The following PVR variants were observed in gnomAD, a reference collection of about 807,000 sequenced individuals.
The protein encoded by PVR is PVR cell adhesion molecule.
Under a neutral mutation model 43.3 loss-of-function variants are expected in PVR, and 39 were observed. The observed-to-expected ratio is 0.90, with a 90% confidence interval of 0.70 to 1.18. The LOEUF (loss-of-function observed/expected upper bound fraction) is 1.18, where lower values mean the gene tolerates loss of function less well. Among genes scored for constraint, PVR ranks in the 50% most tolerant of loss-of-function variants. The pLI is 0.00. For synonymous variants in PVR, 224 were observed against 233.2 expected, an observed-to-expected ratio of 0.96 and a Z score of 0.36; for missense variants, 480 against 549.7, an observed-to-expected ratio of 0.87 and a Z score of 1.27.
In PVR at chr19:44,664,393, G is replaced by A. The variant is rs1198854195; in HGVS notation, c.*2582G>A. On this transcript the variant is annotated 3_prime_UTR_variant, in exon 8 of 8. Transcript: ENST00000425690. ...CTGGCTAAATCTCTTTTTAACTTTTGTAGAGATAGGCATCTCGCTATGTTG... is the reference window on the plus strand; with the variant it reads ...CTGGCTAAATCTCTTTTTAACTTTTATAGAGATAGGCATCTCGCTATGTTG... 2 of 151,994 alleles carry A rather than the reference G, an allele frequency of 1.3e-5. No individual in the cohort carries two copies. Among genetic ancestry groups the A allele is most frequent in the African/African-American group, 2.4e-5 (1 of 41,368 alleles). The allele number at this position is 151,994 out of a possible 1,614,324, so 9.4% of individuals were successfully genotyped here. A position where few individuals can be genotyped will look rare whatever the true frequency, so the allele number is the denominator to read the frequency against.
chr19:44,644,168 A>G lies in PVR; in HGVS notation c.72A>G (p.Pro24=), dbSNP rs1973007438. 6.0e-6 allele frequency: 9 copies of G among 1,504,080 alleles called. No homozygotes were observed. Among genetic ancestry groups the G allele is most frequent in the South Asian group, 1.2e-5 (1 of 80,622 alleles). The allele number at this position is 1,504,080 out of a possible 1,614,324, so 93.2% of individuals were successfully genotyped here. A position where few individuals can be genotyped will look rare whatever the true frequency, so the allele number is the denominator to read the frequency against. Residue 24 remains proline (P), a synonymous_variant, in exon 1 of 8, where the codon CCA becomes CCG. Transcript: ENST00000425690. ...TACTGGTGCTGTCCTGGCCACCCCC[A>G]GGAACCGGTGAGTGACCCCCGCGCA... The part of the protein sequence containing the change: ...VALLVLSWPP[P]GTGDVVVQAP...
intron 4 of PVR, among the ~76,000 whole-genome samples, chr19:44,657,448 G>C (rs908075704): frequency 6.6e-6 from 1 of 152,194 alleles, no homozygotes; most frequent in Non-Finnish European, 1.5e-5. Context: ...ACAGACGAGG[G>C]GGCGAGGGCA....
Position 44,647,225 on chromosome 19 carries a change from G to C in PVR, c.82G>C (p.Asp28His). The C allele has an allele frequency of 6.5e-7, 1 of 1,538,184 alleles. No homozygotes were observed. Among genetic ancestry groups the C allele is most frequent in the Non-Finnish European group, 8.8e-7 (1 of 1,138,362 alleles). The change falls in exon 2 of 8, where the codon GAC (aspartate) becomes CAC (histidine). Residue 28 changes from aspartate (D) to histidine (H), a missense_variant and splice_region_variant. Transcript: ENST00000425690. ...VLSWPPPGTG[D>H]VVVQAPTQVP... ...ACCTTCTCTTCGGTTCTCCGCAGGG[G>C]ACGTCGTCGTGCAGGCGCCCACCCA...
Position 44,661,966 on chromosome 19 carries a change from T to C in PVR, c.*155T>C. On this transcript the variant is annotated 3_prime_UTR_variant, in exon 8 of 8. Coordinates refer to ENST00000425690, the MANE Select transcript of PVR (RefSeq NM_006505.5). Reference sequence around the variant, plus strand: ...AACGACGGGGGCAGGTGCAAGTTCATAGGTCTCCAAGACCACCCTCCTTTC... The same window carrying C: ...AACGACGGGGGCAGGTGCAAGTTCACAGGTCTCCAAGACCACCCTCCTTTC... 4 of 656,162 alleles carry C rather than the reference T, an allele frequency of 6.1e-6. No individual in the cohort carries two copies. The highest frequency in any genetic ancestry group is 2.7e-5 in the East Asian group (1 of 36,570). The allele number at this position is 656,162 out of a possible 1,614,324, so 40.6% of individuals were successfully genotyped here. A position where few individuals can be genotyped will look rare whatever the true frequency, so the allele number is the denominator to read the frequency against.
At chr19:44,659,938 G>A (rs961773622) in intron 6 of PVR, among the ~76,000 whole-genome samples, 1 of 152,178 alleles carries the variant, frequency 6.6e-6, no homozygotes, top group Non-Finnish European at 1.5e-5. Context: ...CCAGATCTTT[G>A]ACTACCAAGC....
intron 6 of PVR, among the ~76,000 whole-genome samples, chr19:44,660,002 C>T (rs1973552513): frequency 6.6e-6 from 1 of 152,190 alleles, no homozygotes; most frequent in Admixed American, 6.5e-5. Context: ...GCGGATACTG[C>T]CTCGTCCAGG....
chr19:44,655,419 T>C (rs1973415059), intron 4 of PVR, among the ~76,000 whole-genome samples: 1 of 152,186 alleles, frequency 6.6e-6, no homozygotes, highest in Non-Finnish European at 1.5e-5. Context: ...CAAAAATAAC[T>C]TGTGTCCACT....
chr19:44,648,486 C>T (rs1056839519), intron 2 of PVR, among the ~76,000 whole-genome samples: 10 of 151,670 alleles, frequency 6.6e-5, no homozygotes, highest in African/African-American at 2.4e-4. Context: ...AAAAACTGAC[C>T]CTTTTTTTTT....
At chr19:44,649,688 T>C in intron 2 of PVR, 121 bp from the exon 3 acceptor site, 2 of 1,079,836 alleles carry the variant, frequency 1.9e-6, no homozygotes, top group Non-Finnish European at 2.7e-6. Context: ...CCCAAAGTTC[T>C]GGGATTATAG....
In PVR at chr19:44,663,161, G is replaced by C. The variant is rs1415863561; in HGVS notation, c.*1350G>C. On this transcript the variant is annotated 3_prime_UTR_variant, in exon 8 of 8. Coordinates refer to ENST00000425690, the MANE Select transcript of PVR (RefSeq NM_006505.5). ...GCTCCTATAGGACCAAGATGGATGCGACCCAAGACCCAGGAGGCCCAGCTG... is the reference window on the plus strand; with the variant it reads ...GCTCCTATAGGACCAAGATGGATGCCACCCAAGACCCAGGAGGCCCAGCTG... 1 of 152,442 alleles carries C rather than the reference G, an allele frequency of 6.6e-6. No homozygotes were observed. The highest frequency in any genetic ancestry group is 3.3e-3 in the Middle Eastern group (1 of 302). The allele number at this position is 152,442 out of a possible 1,614,324, so 9.4% of individuals were successfully genotyped here. A position where few individuals can be genotyped will look rare whatever the true frequency, so the allele number is the denominator to read the frequency against.
At chr19:44,661,498 C>G (rs1426562830) in intron 7 of PVR, among the ~76,000 whole-genome samples, 175 bp downstream of exon 7, 1 of 152,162 alleles carries the variant, frequency 6.6e-6, no homozygotes, top group African/African-American at 2.4e-5. Context: ...TGCTAAGACG[C>G]AGCCCCAGAC....
intron 2 of PVR, among the ~76,000 whole-genome samples, chr19:44,648,664 GT>G (rs2123750238): frequency 6.6e-6 from 1 of 151,986 alleles, no homozygotes; most frequent in East Asian, 1.9e-4. Context: ...GTTTTGTTTT[GT>G]TTTGTTTTGT....
Position 44,657,516 on chromosome 19 carries a change from A to C in PVR, c.843-246A>C, listed in dbSNP as rs777388067. On this transcript the variant is annotated intron_variant, in intron 4 of 7. Coordinates refer to ENST00000425690, the MANE Select transcript of PVR (RefSeq NM_006505.5). ...GGGCCGGGATGCACAGCGCCAGAGC[A>C]GGGAGGTACCGTGGAAGCCCTGAGG... Among the ~76,000 whole-genome samples, 3 of 152,344 alleles carry C rather than the reference A, an allele frequency of 2.0e-5. No individual in the cohort carries two copies. The East Asian group carries it at 5.8e-4, about 29-fold the overall frequency.
Position 44,662,186 on chromosome 19 carries a change from C to A in PVR, c.*375C>A. The A allele has an allele frequency of 4.3e-6, 1 of 234,424 alleles. No individual in the cohort carries two copies. Among genetic ancestry groups the A allele is most frequent in the South Asian group, 8.9e-5 (1 of 11,192 alleles). 14.5% of individuals were successfully genotyped at this position (234,424 alleles called of 1,614,324 possible). ...AGGCAGCACCTGATTCTCACAGCAA[C>A]ATGTGACAACATGCAAGAAGTACTG... On this transcript the variant is annotated 3_prime_UTR_variant, in exon 8 of 8. Coordinates refer to ENST00000425690, the MANE Select transcript of PVR (RefSeq NM_006505.5).
chr19:44,661,392 G>T (rs1973586284), intron 7 of PVR, 69 bp downstream of exon 7: 2 of 1,522,900 alleles, frequency 1.3e-6, no homozygotes, highest in African/African-American at 2.7e-5. Context: ...GTCTTCAGAT[G>T]CCCACGGCCC....
intron 3 of PVR, 143 bp downstream of exon 3, chr19:44,650,248 C>T (rs1973243718): frequency 2.7e-6 from 2 of 728,900 alleles, no homozygotes; most frequent in Middle Eastern, 4.1e-4. Flanking sequence ...GACCCACCCC[C>T]ATTGTCTGCA....
At position 44,661,902 on chromosome 19, in the gene PVR, T is replaced by C; in HGVS notation, c.*91T>C. On this transcript the variant is annotated 3_prime_UTR_variant, in exon 8 of 8. Coordinates refer to ENST00000425690, the MANE Select transcript of PVR (RefSeq NM_006505.5). The stretch of plus-strand genomic sequence containing the variant: ...CCGACCCCAATGGATGAAGACCCCC[T>C]CCAAAGAGACCAGCCTCCCTCCCTG... 1 of 1,204,304 alleles carries C rather than the reference T, an allele frequency of 8.3e-7. No individual in the cohort carries two copies. Among genetic ancestry groups the C allele is most frequent in the Non-Finnish European group, 1.2e-6 (1 of 827,646 alleles). 74.6% of individuals were successfully genotyped at this position (1,204,304 alleles called of 1,614,324 possible).
intron 4 of PVR, 110 bp from the exon 5 acceptor site, chr19:44,657,652 C>T (rs1973484776): frequency 1.2e-5 from 14 of 1,129,532 alleles, no homozygotes; most frequent in Non-Finnish European, 1.7e-5. Context: ...AGTTGCTCTC[C>T]GCTTATGCTA....
Position 44,661,324 on chromosome 19 carries a change from G to C in PVR, c.1182+1G>C. ...GCATGCCAGCGCCTCAGCTAATGGG[G>C]TAAGTGCAGTGTTGGAGCTAAGGAG... On this transcript the variant is annotated splice_donor_variant, in intron 7 of 7. Transcript: ENST00000425690. LOFTEE classifies it high-confidence loss of function. 4 of 1,613,892 alleles carry C rather than the reference G, an allele frequency of 2.5e-6. No individual in the cohort carries two copies. Among genetic ancestry groups the C allele is most frequent in the Non-Finnish European group, 3.4e-6 (4 of 1,179,750 alleles).
Sources: allele counts gnomAD v4.1 joint callset (sites outside exome capture counted in the v4.1 genomes callset), GRCh38; gene constraint gnomAD v4.1.1; transcripts MANE v1.5; gene names NCBI Gene and HGNC (gene_info 2026-07-23, HGNC 2026-07-21).